The following CSGALNACT1 variants were observed in gnomAD, a reference collection of about 807,000 sequenced individuals.
The protein encoded by CSGALNACT1 is chondroitin sulfate N-acetylgalactosaminyltransferase 1, also known as beta4GalNAcT-1.
In CSGALNACT1, 52 loss-of-function variants were observed where a neutral mutation model predicts 51.0. The ratio of observed to expected loss-of-function variants is 1.02; its 90% CI spans 0.82 to 1.29. CSGALNACT1 has a LOEUF of 1.29. CSGALNACT1 is among the 50% of genes most tolerant of loss of function. The pLI, the probability that CSGALNACT1 is intolerant of heterozygous loss-of-function variation, is 0.00. For missense variants in CSGALNACT1, 935 were observed against 679.2 expected (o/e 1.38, Z -4.19); for synonymous variants, 341 against 254.4 (o/e 1.34, Z -3.24).
chr8:19,643,561 C>A (rs548897363), intron 1 of CSGALNACT1, among the ~76,000 whole-genome samples: 61 of 151,816 alleles, frequency 4.0e-4, no homozygotes, highest in Non-Finnish European at 8.5e-4. Context: ...TTGCTTGAGC[C>A]TGGGACACAG....
intron 3 of CSGALNACT1, among the ~76,000 whole-genome samples, chr8:19,521,165 G>T (rs903380959): frequency 7.9e-5 from 12 of 152,158 alleles, no homozygotes; most frequent in African/African-American, 2.9e-4. Context: ...CTAGCCAGCT[G>T]TCTAAGATTT....
At chr8:19,698,597 A>G (rs538551062) in intron 1 of CSGALNACT1, among the ~76,000 whole-genome samples, 14 of 152,316 alleles carry the variant, frequency 9.2e-5, no homozygotes, top group Non-Finnish European at 1.5e-4. Flanking sequence ...GGCACTACTG[A>G]TACTGCTTTA....
At chr8:19,446,511 T>G (rs2153785841) in intron 5 of CSGALNACT1, among the ~76,000 whole-genome samples, 1 of 152,244 alleles carries the variant, frequency 6.6e-6, no homozygotes, top group East Asian at 1.9e-4. Context: ...ATTCATTCAT[T>G]CATTCATTCA....
At chr8:19,542,516 C>T (rs980663682) in intron 3 of CSGALNACT1, among the ~76,000 whole-genome samples, 3 of 152,152 alleles carry the variant, frequency 2.0e-5, no homozygotes, top group South Asian at 2.1e-4. Context: ...CCTGCTGCCC[C>T]GACTCTTTTC....
At chr8:19,707,184 C>G (rs1160849014) in intron 1 of CSGALNACT1, among the ~76,000 whole-genome samples, 1 of 152,058 alleles carries the variant, frequency 6.6e-6, no homozygotes, top group Non-Finnish European at 1.5e-5. Flanking sequence ...TTTGAAAACA[C>G]CAACAGTGTC....
chr8:19,529,947 A>T (rs1022349391), intron 3 of CSGALNACT1, among the ~76,000 whole-genome samples: 3 of 152,178 alleles, frequency 2.0e-5, no homozygotes, highest in Admixed American at 6.5e-5. Flanking sequence ...TCAGCCCAAC[A>T]CAGTGGCTCA....
intron 3 of CSGALNACT1, among the ~76,000 whole-genome samples, chr8:19,579,650 T>C (rs2045123356): frequency 6.6e-6 from 1 of 152,236 alleles, no homozygotes; most frequent in Admixed American, 6.5e-5. Flanking sequence ...CACAGCATTG[T>C]CCTTAGGTTC....
intron 4 of CSGALNACT1, among the ~76,000 whole-genome samples, chr8:19,503,960 A>C (rs985250223): frequency 6.6e-6 from 1 of 152,220 alleles, no homozygotes; most frequent in Non-Finnish European, 1.5e-5. Context: ...CAGCAGCAGG[A>C]GGCTTTTTGA....
At chr8:19,577,516 G>A (rs1447576160) in intron 3 of CSGALNACT1, among the ~76,000 whole-genome samples, 1 of 151,038 alleles carries the variant, frequency 6.6e-6, no homozygotes, top group Non-Finnish European at 1.5e-5. Flanking sequence ...ATCTGCAATT[G>A]CATTACCGCA....
At chr8:19,611,958 C>A (rs565977043) in intron 1 of CSGALNACT1, among the ~76,000 whole-genome samples, 3 of 152,082 alleles carry the variant, frequency 2.0e-5, no homozygotes, top group African/African-American at 7.2e-5. Flanking sequence ...AGGATTTGAA[C>A]TAATTGATTA....
intron 3 of CSGALNACT1, among the ~76,000 whole-genome samples, chr8:19,556,673 G>A (rs1355979592): frequency 6.6e-6 from 1 of 152,108 alleles, no homozygotes; most frequent in Non-Finnish European, 1.5e-5. Context: ...GCAGGCACAA[G>A]CTATAATAGA....
intron 1 of CSGALNACT1, among the ~76,000 whole-genome samples, chr8:19,729,931 A>G (rs2063599600): frequency 6.6e-6 from 1 of 152,090 alleles, no homozygotes; most frequent in Admixed American, 6.5e-5. Context: ...TTTCCCCAGC[A>G]CCTTCAGCTC....
chr8:19,730,280 T>C (rs773286867), intron 1 of CSGALNACT1, among the ~76,000 whole-genome samples: 9 of 152,080 alleles, frequency 5.9e-5, no homozygotes, highest in African/African-American at 2.2e-4. Flanking sequence ...AAGACCAAGA[T>C]AGAACAACAC....
chr8:19,507,301 A>T (rs2154001750), intron 3 of CSGALNACT1, among the ~76,000 whole-genome samples: 1 of 152,206 alleles, frequency 6.6e-6, no homozygotes, highest in African/African-American at 2.4e-5. Flanking sequence ...CTGTGTCCTG[A>T]TAGTTCATAA....
chr8:19,699,440 G>C (rs2061745835), intron 1 of CSGALNACT1, among the ~76,000 whole-genome samples: 1 of 152,172 alleles, frequency 6.6e-6, no homozygotes, highest in African/African-American at 2.4e-5. Context: ...TCATGAAGTG[G>C]AATATTACTC....
chr8:19,539,977 A>G (rs1207238224), intron 3 of CSGALNACT1, among the ~76,000 whole-genome samples: 1 of 152,184 alleles, frequency 6.6e-6, no homozygotes. Flanking sequence ...TCTTGAAAGA[A>G]GAAATACTGA....
intron 3 of CSGALNACT1, among the ~76,000 whole-genome samples, chr8:19,562,937 CA>C (rs912867028): frequency 1.3e-5 from 2 of 152,128 alleles, no homozygotes; most frequent in Non-Finnish European, 2.9e-5. Flanking sequence ...GGTATATACC[CA>C]AGGAATATAA....
intron 3 of CSGALNACT1, among the ~76,000 whole-genome samples, chr8:19,515,211 T>C (rs1052165206): frequency 6.8e-6 from 1 of 146,502 alleles, no homozygotes; most frequent in Non-Finnish European, 1.5e-5. Flanking sequence ...GACCCCACTA[T>C]CTCTATCTCA....
chr8:19,498,903 C>T (rs2075943375), intron 4 of CSGALNACT1, among the ~76,000 whole-genome samples: 2 of 152,188 alleles, frequency 1.3e-5, no homozygotes, highest in South Asian at 4.1e-4. Flanking sequence ...CACTTGAGGC[C>T]AGGAGCTCAA....
Sources: gnomAD v4.1 joint callset for allele counts (sites outside exome capture counted in the v4.1 genomes callset) on GRCh38, gnomAD v4.1.1 for gene constraint, MANE v1.5 for transcripts, NCBI Gene and HGNC (gene_info 2026-07-23, HGNC 2026-07-21) for gene names.